Variants in PDZRN4 observed in about 807,000 individuals in gnomAD.
PDZRN4 encodes the protein PDZ domain containing ring finger 4.
PDZRN4 carries 70 observed loss-of-function variants against 99.0 expected under a neutral mutation model. The ratio of observed to expected loss-of-function variants is 0.71; its 90% CI spans 0.58 to 0.86. The LOEUF (loss-of-function observed/expected upper bound fraction) is 0.86. Ranked by LOEUF, PDZRN4 falls within the 40% of genes least tolerant of loss-of-function variation. The probability of loss-of-function intolerance (pLI) is 0.00; values close to 1 mark genes in which losing one functional copy is unlikely to be tolerated. For synonymous variants in PDZRN4, 551 were observed against 501.6 expected, an observed-to-expected ratio of 1.10 and a Z score of -1.32; for missense variants, 1,474 against 1,331.2, an observed-to-expected ratio of 1.11 and a Z score of -1.67.
chr12:41,373,507 T>C (rs567875233), intron 3 of PDZRN4, among the ~76,000 whole-genome samples: 3 of 152,264 alleles, frequency 2.0e-5, no homozygotes, highest in Non-Finnish European at 4.4e-5. Flanking sequence ...TTTTTCCCAT[T>C]TGCTTTTGAA....
chr12:41,289,610 C>A (rs1951443880), intron 3 of PDZRN4, among the ~76,000 whole-genome samples: 1 of 152,172 alleles, frequency 6.6e-6, no homozygotes, highest in Non-Finnish European at 1.5e-5. Flanking sequence ...AACTTGACTT[C>A]ATTTTGAAGT....
At chr12:41,428,180 T>C (rs1473529219) in intron 3 of PDZRN4, among the ~76,000 whole-genome samples, 4 of 152,162 alleles carry the variant, frequency 2.6e-5, no homozygotes, top group South Asian at 4.1e-4. Flanking sequence ...TACTTGGTTA[T>C]ATATATGCAT....
chr12:41,474,923 A>G (rs920140939), intron 3 of PDZRN4, among the ~76,000 whole-genome samples: 1 of 152,210 alleles, frequency 6.6e-6, no homozygotes, highest in South Asian at 2.1e-4. Flanking sequence ...GATATAAAAG[A>G]AATTTGCAAG....
chr12:41,222,008 T>C (rs1028708090), intron 3 of PDZRN4, among the ~76,000 whole-genome samples: 5 of 152,142 alleles, frequency 3.3e-5, no homozygotes, highest in Non-Finnish European at 7.4e-5. Flanking sequence ...AGATATAATG[T>C]GGTAAAAGAA....
chr12:41,313,490 G>T (rs1951620224), intron 3 of PDZRN4, among the ~76,000 whole-genome samples: 1 of 152,152 alleles, frequency 6.6e-6, no homozygotes, highest in South Asian at 2.1e-4. Context: ...GGGTCATTCT[G>T]CTGTACCTCT....
chr12:41,397,302 C>T (rs886958415), intron 3 of PDZRN4, among the ~76,000 whole-genome samples: 1 of 152,122 alleles, frequency 6.6e-6, no homozygotes, highest in Admixed American at 6.6e-5. Flanking sequence ...ATGTGTTTAG[C>T]TTTGTACTCT....
intron 3 of PDZRN4, among the ~76,000 whole-genome samples, chr12:41,438,263 A>G (rs1014254982): frequency 6.6e-6 from 1 of 152,204 alleles, no homozygotes; most frequent in Non-Finnish European, 1.5e-5. Flanking sequence ...GATGTCAGTC[A>G]CATAACAGGA....
chr12:41,439,303 ATG>A (rs1359881072), intron 3 of PDZRN4, among the ~76,000 whole-genome samples: 3,819 of 152,250 alleles, frequency 0.025, 167 homozygotes, highest in African/African-American at 0.089. Context: ...CATTTCCTAG[ATG>A]AGCTCTCATC....
At chr12:41,377,694 A>C (rs1952092429) in intron 3 of PDZRN4, among the ~76,000 whole-genome samples, 1 of 152,090 alleles carries the variant, frequency 6.6e-6, no homozygotes, top group Non-Finnish European at 1.5e-5. Context: ...TTCAGTGTAC[A>C]GATTGTTCAC....
intron 3 of PDZRN4, among the ~76,000 whole-genome samples, chr12:41,231,598 A>G (rs1251211366): frequency 6.6e-6 from 1 of 152,098 alleles, no homozygotes; most frequent in Non-Finnish European, 1.5e-5. Flanking sequence ...CTTTATAAGA[A>G]TTTACTTAGT....
intron 5 of PDZRN4, among the ~76,000 whole-genome samples, chr12:41,551,848 G>C (rs1391183823): frequency 6.6e-6 from 1 of 152,144 alleles, no homozygotes; most frequent in East Asian, 1.9e-4. Flanking sequence ...GCTTCTGAAA[G>C]TAGTACAAGT....
intron 3 of PDZRN4, chr12:41,437,561 A>C: frequency 4.5e-6 from 1 of 220,938 alleles, no homozygotes; most frequent in Non-Finnish European, 8.7e-6. Flanking sequence ...GTGAATATTC[A>C]TCTGTCATCA....
chr12:41,548,418 A>G (rs77830312), intron 5 of PDZRN4, among the ~76,000 whole-genome samples: 9,996 of 152,274 alleles, frequency 0.066, 821 homozygotes, highest in East Asian at 0.17. Context: ...GTAAGATGAT[A>G]TATGATTAAC....
intron 3 of PDZRN4, among the ~76,000 whole-genome samples, chr12:41,460,790 A>G (rs985247747): frequency 1.8e-4 from 27 of 152,222 alleles, no homozygotes; most frequent in African/African-American, 6.3e-4. Context: ...GGAAAAGGGT[A>G]GAGTTATGTC....
intron 3 of PDZRN4, among the ~76,000 whole-genome samples, chr12:41,496,026 T>C (rs1937994013): frequency 6.6e-6 from 1 of 152,130 alleles, no homozygotes; most frequent in African/African-American, 2.4e-5. Flanking sequence ...ATATATGTTG[T>C]TTTTCCCAGA....
At chr12:41,408,530 A>G (rs948748432) in intron 3 of PDZRN4, among the ~76,000 whole-genome samples, 3 of 152,186 alleles carry the variant, frequency 2.0e-5, no homozygotes, top group Non-Finnish European at 4.4e-5. Flanking sequence ...TATTTTATTC[A>G]AAGGAGGAAT....
chr12:41,400,042 T>C (rs1265861093), intron 3 of PDZRN4, among the ~76,000 whole-genome samples: 1 of 152,264 alleles, frequency 6.6e-6, no homozygotes, highest in Admixed American at 6.5e-5. Flanking sequence ...ACTTGGGCTA[T>C]TGTGCAACTT....
chr12:41,573,971 G>A lies in PDZRN4; in HGVS notation c.*81G>A. The A allele has an allele frequency of 1.0e-6, 1 of 979,078 alleles. No individual in the cohort carries two copies. Among genetic ancestry groups the A allele is most frequent in the African/African-American group, 1.6e-5 (1 of 62,004 alleles). The allele number at this position is 979,078 out of a possible 1,614,324, so 60.6% of individuals were successfully genotyped here. A position where few individuals can be genotyped will look rare whatever the true frequency, so the allele number is the denominator to read the frequency against. ...GAGTATGATTGCCTCGTTCAATGTG[G>A]CGTTTTTATATATATTTTGTGACTC... is the stretch of plus-strand genomic sequence containing the variant. On this transcript the variant is annotated 3_prime_UTR_variant, in exon 10 of 10. Coordinates refer to ENST00000402685, the MANE Select transcript of PDZRN4 (RefSeq NM_001164595.2).
chr12:41,438,169 T>G (rs532467686), intron 3 of PDZRN4, among the ~76,000 whole-genome samples: 1 of 152,174 alleles, frequency 6.6e-6, no homozygotes, highest in Non-Finnish European at 1.5e-5. Flanking sequence ...TGGTTTTGGG[T>G]GGCAGTTTTC....
Sources: allele counts gnomAD v4.1 joint callset (sites outside exome capture counted in the v4.1 genomes callset), GRCh38; gene constraint gnomAD v4.1.1; transcripts MANE v1.5; gene names NCBI Gene and HGNC (gene_info 2026-07-23, HGNC 2026-07-21).